The following MCM10 variants were observed in gnomAD, a reference collection of about 807,000 sequenced individuals.
The protein encoded by MCM10 is minichromosome maintenance 10 replication initiation factor.
Under a neutral mutation model 109.9 loss-of-function variants are expected in MCM10, and 91 were observed. That is an observed-to-expected ratio of 0.83 (90% CI 0.70 to 0.99). MCM10 has a LOEUF of 0.99. Among genes scored for constraint, MCM10 ranks in the 50% least tolerant of loss-of-function variants. The pLI is 0.00. For synonymous variants in MCM10, 380 were observed against 387.2 expected, an observed-to-expected ratio of 0.98 and a Z score of 0.22; for missense variants, 1,077 against 1,061.2, an observed-to-expected ratio of 1.01 and a Z score of -0.21.
Position 13,171,377 on chromosome 10 carries a change from G to T in MCM10, c.349+114G>T. 3 of 1,032,336 alleles carry T rather than the reference G, an allele frequency of 2.9e-6. No individual in the cohort carries two copies. In the East Asian group the frequency reaches 7.9e-5, roughly 27 times the overall value. 63.9% of individuals were successfully genotyped at this position (1,032,336 alleles called of 1,614,324 possible). A position where few individuals can be genotyped will look rare whatever the true frequency, so the allele number is the denominator to read the frequency against. On this transcript the variant is annotated intron_variant, in intron 3 of 19. Coordinates refer to ENST00000378714, the MANE Select transcript of MCM10 (RefSeq NM_018518.5). ...TTCAAGGGTAGAGATAAATGACTTTGTAAAAAAAGAAAAAAAGAAAGAAAA... is the reference window on the plus strand; with the variant it reads ...TTCAAGGGTAGAGATAAATGACTTTTTAAAAAAAGAAAAAAAGAAAGAAAA...
At chr10:13,198,561 C>T (rs117096313) in intron 15 of MCM10, 128 bp from the exon 16 acceptor site, 41 of 670,416 alleles carry the variant, frequency 6.1e-5, no homozygotes, top group African/African-American at 1.1e-4. Context: ...CTGGGACCAG[C>T]GGGGGTAGGT....
At position 13,187,002 on chromosome 10, in the gene MCM10, TATAA is replaced by T. The variant is rs546787294; in HGVS notation, c.1215+732_1215+735del. Among the ~76,000 whole-genome samples the T allele has an allele frequency of 1.3e-3, 204 of 152,196 alleles. 1 individual carries two copies. Among genetic ancestry groups the T allele is most frequent in the African/African-American group, 4.6e-3 (193 of 41,532 alleles). On this transcript the variant is annotated intron_variant, in intron 9 of 19. Coordinates refer to ENST00000378714, the MANE Select transcript of MCM10 (RefSeq NM_018518.5). ...GTGAGATTCTGTCTCCAAAAAAGAA[TATAA>T]ATAAATAAAGTCAACAATTCAGTAA...
At chr10:13,200,720 C>G (rs1174839893) in intron 16 of MCM10, among the ~76,000 whole-genome samples, 1 of 152,252 alleles carries the variant, frequency 6.6e-6, no homozygotes, top group Non-Finnish European at 1.5e-5. Flanking sequence ...GGAAACTCAC[C>G]AGTGGGGGCC....
chr10:13,202,226 G>A (rs1295379725), intron 17 of MCM10, among the ~76,000 whole-genome samples: 3 of 152,062 alleles, frequency 2.0e-5, no homozygotes, highest in African/African-American at 4.8e-5. Flanking sequence ...GTGTGGTGGT[G>A]CACACCTGTG....
At chr10:13,181,947 C>G (rs541497802) in intron 7 of MCM10, among the ~76,000 whole-genome samples, 1 of 152,172 alleles carries the variant, frequency 6.6e-6, no homozygotes. Context: ...CGGGATGCCT[C>G]TGTGAGATAG....
intron 2 of MCM10, 88 bp downstream of exon 2, chr10:13,164,297 G>A (rs1373529123): frequency 3.1e-6 from 4 of 1,286,544 alleles, no homozygotes; most frequent in South Asian, 1.5e-5. Context: ...CTGTAAAATG[G>A]TGAAAATGCT....
Position 13,175,684 on chromosome 10 carries a change from C to T in MCM10, c.764+3C>T, listed in dbSNP as rs770830440. The stretch of plus-strand genomic sequence containing the variant: ...GCCTTCTCTGGTCTGCGGCTCAGGT[C>T]AGTAGCTAAACCATCTATTCATGTG... On this transcript the variant is annotated splice_donor_region_variant and intron_variant, in intron 6 of 19. Coordinates refer to ENST00000378714, the MANE Select transcript of MCM10 (RefSeq NM_018518.5). The T allele has an allele frequency of 4.4e-6, 7 of 1,592,230 alleles. No homozygotes were observed. The East Asian group carries it at 1.6e-4, about 36-fold the overall frequency.
At chr10:13,163,490 A>G (rs7086463) in intron 1 of MCM10, among the ~76,000 whole-genome samples, 123,793 of 152,190 alleles carry the variant, frequency 0.81, 50,510 homozygotes, top group Middle Eastern at 0.94. Flanking sequence ...GAAGTGCACA[A>G]AGTGATACAA....
chr10:13,200,643 G>A (rs1342382654), intron 16 of MCM10, among the ~76,000 whole-genome samples: 2 of 152,134 alleles, frequency 1.3e-5, no homozygotes, highest in African/African-American at 2.4e-5. Flanking sequence ...TAATCCCATC[G>A]CTGCACCCAC....
intron 13 of MCM10, among the ~76,000 whole-genome samples, chr10:13,193,533 G>T (rs1242986118): frequency 2.0e-5 from 3 of 152,172 alleles, no homozygotes; most frequent in Non-Finnish European, 4.4e-5. Context: ...GCTCACACAT[G>T]TTGTGCTCTG....
At chr10:13,183,979 C>T (rs1001782952) in intron 8 of MCM10, among the ~76,000 whole-genome samples, 1 of 152,126 alleles carries the variant, frequency 6.6e-6, no homozygotes, top group African/African-American at 2.4e-5. Flanking sequence ...CTGCCTCACC[C>T]TCAGCAGCTG....
intron 1 of MCM10, among the ~76,000 whole-genome samples, chr10:13,163,442 C>A (rs190920517): frequency 6.6e-6 from 1 of 152,306 alleles, no homozygotes; most frequent in Non-Finnish European, 1.5e-5. Flanking sequence ...TGTATACTTT[C>A]TTACTTGCAG....
At chr10:13,192,782 G>A (rs1312596029) in intron 13 of MCM10, among the ~76,000 whole-genome samples, 1 of 152,186 alleles carries the variant, frequency 6.6e-6, no homozygotes, top group Non-Finnish European at 1.5e-5. Flanking sequence ...ACAGGTTAGA[G>A]TCGTTATCAC....
At chr10:13,184,245 G>A (rs1043602494) in intron 8 of MCM10, among the ~76,000 whole-genome samples, 2 of 151,928 alleles carry the variant, frequency 1.3e-5, no homozygotes, top group African/African-American at 2.4e-5. Flanking sequence ...TACCCGCCTC[G>A]GCCTCCCAAA....
rs1453373696 is a variant in MCM10, at chr10:13,191,416, A to G, written c.1516+17A>G. The G allele has an allele frequency of 6.2e-6, 10 of 1,602,090 alleles. No individual in the cohort carries two copies. The highest frequency in any genetic ancestry group is 2.7e-5 in the African/African-American group (2 of 74,694). On this transcript the variant is annotated intron_variant, in intron 11 of 19. Transcript: ENST00000378714. ...AAAAACTCGGTAACTTTGTTTTTCC[A>G]TAAGAAATTTCTTTCTCCAGTTTAA...
chr10:13,204,392 C>A (rs1380111301), intron 18 of MCM10, 28 bp downstream of exon 18: 1 of 1,610,800 alleles, frequency 6.2e-7, no homozygotes, highest in Admixed American at 1.7e-5. Flanking sequence ...AGCTCTTTGT[C>A]CCACGTGGGG....
Position 13,167,533 on chromosome 10 carries a change from G to A in MCM10, c.7+3324G>A, listed in dbSNP as rs372959716. Among the ~76,000 whole-genome samples, 161 of 151,630 alleles carry A rather than the reference G, an allele frequency of 1.1e-3. 1 individual carries two copies. Among genetic ancestry groups the A allele is most frequent in the South Asian group, 5.0e-3 (24 of 4,766 alleles). On this transcript the variant is annotated intron_variant, in intron 2 of 19. Transcript: ENST00000378714. ...AAGATGTTGGCTGGATCATCCTTGC[G>A]GAGGTTGAAGTGCCCCAGGAGGGTG... is the stretch of plus-strand genomic sequence containing the variant.
At chr10:13,202,929 C>A (rs1027351120) in intron 17 of MCM10, among the ~76,000 whole-genome samples, 16 of 152,162 alleles carry the variant, frequency 1.1e-4, no homozygotes, top group African/African-American at 3.9e-4. Context: ...ACTGCAACCT[C>A]TGCCTCCCTG....
rs762864932 is a variant in MCM10 at position 13,182,953 on chromosome 10, G to C, written c.951G>C (p.Trp317Cys). ...SVNSGKTFSI[W>C]KLNDLRDLTQ... ...TCCAGGGAAAAACCTTCAGCATATG[G>C]AAACTGAATGATCTTCGTGACCTGA... The change falls in exon 8 of 20, where the codon TGG (tryptophan) becomes TGC (cysteine). Residue 317 changes from tryptophan (W) to cysteine (C), a missense_variant. Coordinates refer to ENST00000378714, the MANE Select transcript of MCM10 (RefSeq NM_018518.5). This position sits in a 1 kb window ranked among gnomAD's most constrained non-coding sequence, Gnocchi z 4.2. 14 of 1,613,458 alleles carry C rather than the reference G, an allele frequency of 8.7e-6. No homozygotes were observed. Among genetic ancestry groups the C allele is most frequent in the African/African-American group, 2.7e-5 (2 of 74,892 alleles).
Sources: gnomAD v4.1 joint callset for allele counts (sites outside exome capture counted in the v4.1 genomes callset) on GRCh38, gnomAD v4.1.1 for gene constraint, Gnocchi (gnomAD v3.1) non-coding constraint, MANE v1.5 for transcripts, NCBI Gene and HGNC (gene_info 2026-07-23, HGNC 2026-07-21) for gene names.